USP12: variants seen among roughly 807,000 people sequenced by gnomAD.
The protein encoded by USP12 is ubiquitin carboxyl-terminal hydrolase 12.
A neutral mutation model predicts 45.5 loss-of-function variants in USP12; 19 were observed. That is an observed-to-expected ratio of 0.42 (90% CI 0.29 to 0.61). USP12 has a LOEUF of 0.61. Among genes scored for constraint, USP12 ranks in the 20% least tolerant of loss-of-function variants. The probability of loss-of-function intolerance (pLI) is 0.22; values close to 1 mark genes in which losing one functional copy is unlikely to be tolerated. For synonymous variants in USP12, 149 were observed against 148.8 expected, an observed-to-expected ratio of 1.00 and a Z score of -0.01; for missense variants, 242 against 447.7, an observed-to-expected ratio of 0.54 and a Z score of 4.15.
intron 1 of USP12, among the ~76,000 whole-genome samples, chr13:27,163,244 A>T (rs535830179): frequency 3.2e-4 from 48 of 152,296 alleles, no homozygotes; most frequent in African/African-American, 1.0e-3. Context: ...AATGTGAATC[A>T]ATACTTGGTA....
At chr13:27,141,686 CAGAA>C (rs60297541) in intron 1 of USP12, among the ~76,000 whole-genome samples, 4,798 of 152,176 alleles carry the variant, frequency 0.032, 137 homozygotes, top group African/African-American at 0.071. Flanking sequence ...AATGAATAGA[CAGAA>C]AGGAAGTATT....
Position 27,075,296 on chromosome 13 carries a change from T to A in USP12, c.827A>T (p.Tyr276Phe). The change falls in exon 7 of 9, where the codon TAC (tyrosine) becomes TTC (phenylalanine). Residue 276 changes from tyrosine (Y) to phenylalanine (F), a missense_variant. By Grantham distance (22) the Tyr-to-Phe change is conservative (BLOSUM62 3). Transcript: ENST00000282344. Reference protein sequence around the residue: ...DQLHRYTKLSYRVVFPLELRL... With the variant: ...DQLHRYTKLSFRVVFPLELRL... ...AAGTTCTAAAGGAAAAACTACCCGGTAAGAGAGTTTTGTATATCGATGAAG... is the reference window on the plus strand; with the variant it reads ...AAGTTCTAAAGGAAAAACTACCCGGAAAGAGAGTTTTGTATATCGATGAAG... 6.2e-7 allele frequency: 1 copy of A among 1,614,122 alleles called. No individual in the cohort carries two copies. Among genetic ancestry groups the A allele is most frequent in the Non-Finnish European group, 8.5e-7 (1 of 1,179,974 alleles).
chr13:27,103,982 T>A (rs1875007237), intron 3 of USP12, among the ~76,000 whole-genome samples: 1 of 152,076 alleles, frequency 6.6e-6, no homozygotes, highest in African/African-American at 2.4e-5. Context: ...AAGAGAAATG[T>A]ACTATTAAAT....
intron 3 of USP12, among the ~76,000 whole-genome samples, chr13:27,096,088 A>G (rs1336240192): frequency 6.6e-6 from 1 of 152,250 alleles, no homozygotes; most frequent in Non-Finnish European, 1.5e-5. Context: ...ATATATTGGC[A>G]TAACAGATAC....
intron 7 of USP12, among the ~76,000 whole-genome samples, chr13:27,073,516 A>C (rs1873338343): frequency 6.6e-6 from 1 of 152,064 alleles, no homozygotes; most frequent in African/African-American, 2.4e-5. Context: ...AGTTGGGTTA[A>C]TTTTAAAAGG....
At position 27,124,081 on chromosome 13, in the gene USP12, TGGCTATCCTGC is replaced by T. The variant is rs1282582340; in HGVS notation, c.49-7496_49-7486del. ...AATAGGAAAAAAATAATCTGGGAGA[TGGCTATCCTGC>T]AATTAAATAATTTTTACATAGTCAA... is the stretch of plus-strand genomic sequence containing the variant. On this transcript the variant is annotated intron_variant, in intron 1 of 8. Transcript: ENST00000282344. Among the ~76,000 whole-genome samples, 4 of 152,346 alleles carry T rather than the reference TGGCTATCCTGC, an allele frequency of 2.6e-5. No homozygotes were observed. In the East Asian group the frequency reaches 7.7e-4, roughly 29 times the overall value.
intron 6 of USP12, among the ~76,000 whole-genome samples, chr13:27,082,326 G>A (rs1229545989): frequency 6.6e-6 from 1 of 152,154 alleles, no homozygotes; most frequent in Non-Finnish European, 1.5e-5. Context: ...ACCCCTGCTA[G>A]CTTCAAAATT....
At chr13:27,163,333 C>A (rs1439137836) in intron 1 of USP12, among the ~76,000 whole-genome samples, 1 of 152,154 alleles carries the variant, frequency 6.6e-6, no homozygotes, top group Non-Finnish European at 1.5e-5. Context: ...TCACGCCAAA[C>A]CACCTACAGA....
chr13:27,107,030 C>G (rs1719572068), intron 2 of USP12, among the ~76,000 whole-genome samples: 1 of 151,932 alleles, frequency 6.6e-6, no homozygotes, highest in South Asian at 2.1e-4. Context: ...ACAGCAACAA[C>G]AAAAAATCTA....
At chr13:27,133,617 ACT>A (rs1177717089) in intron 1 of USP12, among the ~76,000 whole-genome samples, 1 of 127,920 alleles carries the variant, frequency 7.8e-6, no homozygotes, top group South Asian at 2.9e-4. Context: ...ACAGAGCAAG[ACT>A]CTGTCTCAAA....
intron 2 of USP12, among the ~76,000 whole-genome samples, chr13:27,115,794 G>A (rs1430750630): frequency 6.6e-6 from 1 of 152,152 alleles, no homozygotes; most frequent in East Asian, 1.9e-4. Context: ...TACAATGAGA[G>A]AAGTAAATTG....
At chr13:27,156,099 G>A (rs1023758400) in intron 1 of USP12, among the ~76,000 whole-genome samples, 1 of 151,830 alleles carries the variant, frequency 6.6e-6, no homozygotes, top group African/African-American at 2.4e-5. Context: ...CTCCGTAACA[G>A]AAGAGTCATT....
In USP12 at chr13:27,100,483, A is replaced by G. The variant is rs117777823; in HGVS notation, c.344-4653T>C. 2.9e-3 allele frequency among the ~76,000 whole-genome samples: 445 copies of G among 151,812 alleles called. 7 individuals carry two copies. The highest frequency in any genetic ancestry group is 0.019 in the East Asian group (98 of 5,148). On this transcript the variant is annotated intron_variant, in intron 3 of 8. Coordinates refer to ENST00000282344, the MANE Select transcript of USP12 (RefSeq NM_182488.4). ...AGATACAGCCATACTATGACCCTCA[A>G]CCCTCCTCTCTCTGAGGTCATCTCC...
intron 7 of USP12, among the ~76,000 whole-genome samples, chr13:27,073,849 T>C (rs1873352227): frequency 6.6e-6 from 1 of 152,186 alleles, no homozygotes; most frequent in Admixed American, 6.5e-5. Context: ...TGCATAACGT[T>C]ACACTGCCCA....
At chr13:27,147,151 A>G (rs2137827104) in intron 1 of USP12, among the ~76,000 whole-genome samples, 1 of 152,310 alleles carries the variant, frequency 6.6e-6, no homozygotes, top group Non-Finnish European at 1.5e-5. Context: ...GGTATCTGTT[A>G]GGAAAGACCC....
At chr13:27,084,218 A>ACACACACAC (rs1565983882) in intron 6 of USP12, among the ~76,000 whole-genome samples, 2 of 107,212 alleles carry the variant, frequency 1.9e-5, no homozygotes, top group Non-Finnish European at 4.0e-5. Flanking sequence ...ACACACACAC[A>ACACACACAC]AATTCCTGTC....
chr13:27,171,572 G>T lies in USP12; in HGVS notation c.48+20C>A. 1 of 1,227,860 alleles carries T rather than the reference G, an allele frequency of 8.1e-7. No individual in the cohort carries two copies. Among genetic ancestry groups the T allele is most frequent in the Non-Finnish European group, 1.1e-6 (1 of 950,330 alleles). The allele number at this position is 1,227,860 out of a possible 1,614,324, so 76.1% of individuals were successfully genotyped here. On this transcript the variant is annotated intron_variant, in intron 1 of 8. Transcript: ENST00000282344. ...CCGAGAGGTCCCGGCAGCCCCGGCC[G>T]CCCGCTCGCCGCCACCTACCATGGT...
intron 6 of USP12, among the ~76,000 whole-genome samples, chr13:27,076,063 A>G (rs1345402357): frequency 6.6e-6 from 1 of 151,730 alleles, no homozygotes; most frequent in Non-Finnish European, 1.5e-5. Context: ...GTAGAGGGAA[A>G]ACAAGTTTCT....
At chr13:27,091,127 G>T (rs1316568225) in intron 4 of USP12, among the ~76,000 whole-genome samples, 2 of 152,046 alleles carry the variant, frequency 1.3e-5, no homozygotes, top group African/African-American at 4.8e-5. Context: ...AAAAAGTCTG[G>T]TGAAAAAGAA....
Sources: gnomAD v4.1 joint callset for allele counts (sites outside exome capture counted in the v4.1 genomes callset) on GRCh38, gnomAD v4.1.1 for gene constraint, MANE v1.5 for transcripts, NCBI Gene and HGNC (gene_info 2026-07-23, HGNC 2026-07-21) for gene names.